Variants in PPP3CB observed in about 807,000 individuals in gnomAD.
PPP3CB encodes the protein serine/threonine-protein phosphatase 2B catalytic subunit beta isoform.
Under a neutral mutation model 66.4 loss-of-function variants are expected in PPP3CB, and 8 were observed. The ratio of observed to expected loss-of-function variants is 0.12; its 90% CI spans 0.07 to 0.22. The LOEUF (loss-of-function observed/expected upper bound fraction) is 0.22. PPP3CB is among the 10% of genes least tolerant of loss of function. PPP3CB has a pLI of 1.00. For missense variants in PPP3CB, 319 were observed against 642.5 expected (o/e 0.50, Z 5.44); for synonymous variants, 208 against 221.2 (o/e 0.94, Z 0.53).
intron 3 of PPP3CB, among the ~76,000 whole-genome samples, chr10:73,478,291 T>C (rs2056823052): frequency 6.6e-6 from 1 of 152,198 alleles, no homozygotes; most frequent in South Asian, 2.1e-4. Flanking sequence ...AAATGGCAAT[T>C]ATAATTATAT....
At chr10:73,485,305 C>T (rs1269858305) in intron 1 of PPP3CB, among the ~76,000 whole-genome samples, 1 of 151,966 alleles carries the variant, frequency 6.6e-6, no homozygotes, top group Non-Finnish European at 1.5e-5. Context: ...AAAAAGAAAC[C>T]AAGAACACAG....
intron 1 of PPP3CB, among the ~76,000 whole-genome samples, chr10:73,492,001 C>CA (rs2057086485): frequency 1.3e-5 from 2 of 149,088 alleles, no homozygotes; most frequent in Admixed American, 1.3e-4. Context: ...AATAAATAAA[C>CA]AAAAAGTAAT....
At chr10:73,464,370 T>C (rs1443182246) in intron 9 of PPP3CB, among the ~76,000 whole-genome samples, 1 of 152,196 alleles carries the variant, frequency 6.6e-6, no homozygotes, top group South Asian at 2.1e-4. Context: ...CTTGTATCTG[T>C]ATTTCCTTGG....
At chr10:73,495,657 G>T in intron 1 of PPP3CB, 148 bp downstream of exon 1, 1 of 1,250,840 alleles carries the variant, frequency 8.0e-7, no homozygotes. Context: ...CTGCCCAGCA[G>T]GGGCCCGCCC....
intron 10 of PPP3CB, among the ~76,000 whole-genome samples, chr10:73,453,891 A>C (rs191430117): frequency 2.5e-3 from 377 of 152,326 alleles, no homozygotes; most frequent in African/African-American, 8.5e-3. Flanking sequence ...ACGTAACAAC[A>C]ACCATGTATA....
chr10:73,484,986 G>A (rs1341103633), intron 1 of PPP3CB, among the ~76,000 whole-genome samples: 1 of 151,902 alleles, frequency 6.6e-6, no homozygotes, highest in East Asian at 1.9e-4. Flanking sequence ...CTGGGGGGCA[G>A]AGGTTGCAGT....
At chr10:73,495,166 TC>T (rs1407260512) in intron 1 of PPP3CB, among the ~76,000 whole-genome samples, 6 of 152,218 alleles carry the variant, frequency 3.9e-5, no homozygotes, top group Non-Finnish European at 8.8e-5. Flanking sequence ...ATTTTTTTTT[TC>T]GTTTATGCTG....
At position 73,464,140 on chromosome 10, in the gene PPP3CB, G is replaced by T. The variant is rs944959919; in HGVS notation, c.1108+3413C>A. On this transcript the variant is annotated intron_variant, in intron 9 of 13. Coordinates refer to ENST00000360663, the MANE Select transcript of PPP3CB (RefSeq NM_021132.4). ...AGACAGGGTTTCACCATCGTGGCCA[G>T]GTGGGTCTTGAACTCCTAACCTGAT... Among the ~76,000 whole-genome samples the T allele has an allele frequency of 2.6e-5, 4 of 152,084 alleles. No individual in the cohort carries two copies. The East Asian group carries it at 7.7e-4, about 29-fold the overall frequency.
intron 1 of PPP3CB, 90 bp downstream of exon 1, chr10:73,495,715 G>A: frequency 4.7e-6 from 7 of 1,477,308 alleles, no homozygotes; most frequent in Non-Finnish European, 6.3e-6. Flanking sequence ...CCGCCCTTCC[G>A]GGCCCACTCC....
intron 1 of PPP3CB, among the ~76,000 whole-genome samples, chr10:73,479,983 G>C (rs1005960429): frequency 6.6e-6 from 1 of 151,858 alleles, no homozygotes; most frequent in Non-Finnish European, 1.5e-5. Flanking sequence ...GCAACACAGC[G>C]AGACACCATC....
At chr10:73,475,933 T>C (rs2056777405) in intron 3 of PPP3CB, among the ~76,000 whole-genome samples, 1 of 152,166 alleles carries the variant, frequency 6.6e-6, no homozygotes, top group Admixed American at 6.5e-5. Context: ...TACTGCTCAC[T>C]GCAGCCTCGA....
chr10:73,460,265 CAAAAAAA>C (rs11447229), intron 9 of PPP3CB, among the ~76,000 whole-genome samples: 21 of 35,828 alleles, frequency 5.9e-4, no homozygotes, highest in South Asian at 1.9e-3. Context: ...AAAGTAATAG[CAAAAAAA>C]AAAAAAAAAA....
At chr10:73,448,570 TA>T in intron 10 of PPP3CB, 1 of 526,884 alleles carries the variant, frequency 1.9e-6, no homozygotes, top group South Asian at 1.4e-5. Flanking sequence ...GGACTCTGCA[TA>T]GACATTACTC....
intron 1 of PPP3CB, among the ~76,000 whole-genome samples, chr10:73,488,656 T>C (rs1184040627): frequency 6.6e-6 from 1 of 151,358 alleles, no homozygotes; most frequent in African/African-American, 2.4e-5. Context: ...AAAGATTCAA[T>C]AAATCCAACA....
chr10:73,437,445 TTTGAA>T lies in PPP3CB; in HGVS notation c.*792_*796del, dbSNP rs1441201188. ...AATACGTCAAGTTTTACAGACATGA[TTTGAA>T]TTAAAATTTACTTTGACAATGTACA... On this transcript the variant is annotated 3_prime_UTR_variant, in exon 14 of 14. Transcript: ENST00000360663. 3 of 152,678 alleles carry T rather than the reference TTTGAA, an allele frequency of 2.0e-5. No homozygotes were observed. The highest frequency in any genetic ancestry group is 7.2e-5 in the African/African-American group (3 of 41,458). The allele number at this position is 152,678 out of a possible 1,614,324, so 9.5% of individuals were successfully genotyped here. A position where few individuals can be genotyped will look rare whatever the true frequency, so the allele number is the denominator to read the frequency against.
chr10:73,441,541 G>A (rs1264522030), intron 12 of PPP3CB, among the ~76,000 whole-genome samples: 4 of 152,130 alleles, frequency 2.6e-5, no homozygotes, highest in Non-Finnish European at 5.9e-5. Flanking sequence ...ATTGCTAATT[G>A]CAACACTCTA....
At position 73,491,022 on chromosome 10, in the gene PPP3CB, GTTTTTTTTTTTT is replaced by G. The variant is rs528238766; in HGVS notation, c.85+4771_85+4782del. 8.6e-3 allele frequency among the ~76,000 whole-genome samples: 353 copies of G among 40,910 alleles called. 3 individuals are homozygous for G. The highest frequency in any genetic ancestry group is 0.022 in the African/African-American group (333 of 14,906). 26.8% of individuals were successfully genotyped at this position (40,910 alleles called of 152,430 possible). On this transcript the variant is annotated intron_variant, in intron 1 of 13. Transcript: ENST00000360663. ...TAATTTTTGTTTGTTTGTTTTTATT[GTTTTTTTTTTTT>G]TTTTTTTTTTTTTTTTTTGACAGTC...
chr10:73,446,398 C>T (rs2056255311), intron 11 of PPP3CB, 94 bp downstream of exon 11: 8 of 1,185,426 alleles, frequency 6.7e-6, no homozygotes, highest in Non-Finnish European at 9.9e-6. Flanking sequence ...CCATACCCGG[C>T]CCCATTTTGC....
chr10:73,493,053 A>G (rs1589724271), intron 1 of PPP3CB, among the ~76,000 whole-genome samples: 1 of 152,030 alleles, frequency 6.6e-6, no homozygotes, highest in Non-Finnish European at 1.5e-5. Flanking sequence ...CGGTGGGAGG[A>G]TCATGAGGTC....
Sources: allele counts gnomAD v4.1 joint callset (sites outside exome capture counted in the v4.1 genomes callset), GRCh38; gene constraint gnomAD v4.1.1; transcripts MANE v1.5; gene names NCBI Gene and HGNC (gene_info 2026-07-23, HGNC 2026-07-21).